SH3KBP1: variants seen among roughly 807,000 people sequenced by gnomAD.
SH3KBP1 encodes SH3 domain containing kinase binding protein 1.
SH3KBP1 carries 8 observed loss-of-function variants against 50.1 expected under a neutral mutation model. The ratio of observed to expected loss-of-function variants is 0.16; its 90% CI spans 0.09 to 0.29. SH3KBP1 has a LOEUF of 0.29. Among genes scored for constraint, SH3KBP1 ranks in the 10% least tolerant of loss-of-function variants. The pLI is 1.00. For missense variants in SH3KBP1, 377 were observed against 535.2 expected (o/e 0.70, Z 2.92); for synonymous variants, 227 against 218.6 (o/e 1.04, Z -0.34).
intron 3 of SH3KBP1, among the ~76,000 whole-genome samples, chrX:19,717,406 C>T (rs753685947): frequency 9.0e-6 from 1 of 111,241 alleles, no homozygotes; most frequent in Admixed American, 9.5e-5. Context: ...AGTCTCTACA[C>T]AAAATTAAAA....
chrX:19,726,452 G>A (rs778676208), intron 3 of SH3KBP1, among the ~76,000 whole-genome samples: 2 of 111,332 alleles, frequency 1.8e-5, no homozygotes, highest in Non-Finnish European at 3.8e-5. Context: ...TAACTAGGGC[G>A]TACTGATTGC....
At chrX:19,788,960 C>G (rs955252174) in intron 2 of SH3KBP1, among the ~76,000 whole-genome samples, 1 of 111,575 alleles carries the variant, frequency 9.0e-6, no homozygotes, top group African/African-American at 3.3e-5. Context: ...CAGGTCTCTA[C>G]TGAAAGTACA....
chrX:19,660,443 A>G (rs1208601092), intron 6 of SH3KBP1, among the ~76,000 whole-genome samples: 2 of 112,106 alleles, frequency 1.8e-5, no homozygotes, highest in Non-Finnish European at 3.8e-5. Flanking sequence ...AGAGAATTAC[A>G]CAGCACAGAC....
intron 1 of SH3KBP1, among the ~76,000 whole-genome samples, chrX:19,842,755 A>G (rs1246095500): frequency 9.1e-6 from 1 of 109,560 alleles, no homozygotes; most frequent in African/African-American, 3.3e-5. Flanking sequence ...ATGACATAGG[A>G]CCCAACTGTG....
At chrX:19,854,893 C>T (rs1022662739) in intron 1 of SH3KBP1, among the ~76,000 whole-genome samples, 17 of 112,023 alleles carry the variant, frequency 1.5e-4, no homozygotes, top group African/African-American at 5.5e-4. Context: ...CTAACTATAG[C>T]GTTCACTAAA....
At chrX:19,787,234 A>G (rs780642561) in intron 2 of SH3KBP1, among the ~76,000 whole-genome samples, 2 of 111,648 alleles carry the variant, frequency 1.8e-5, no homozygotes, top group East Asian at 5.6e-4. Context: ...TGTATTATCT[A>G]TTTTTTGGCT....
chrX:19,729,379 A>G (rs764813174), intron 3 of SH3KBP1, among the ~76,000 whole-genome samples: 1 of 112,616 alleles, frequency 8.9e-6, no homozygotes, highest in Non-Finnish European at 1.9e-5. Context: ...ATTTATGAAC[A>G]TGTGGAAGGA....
intron 8 of SH3KBP1, among the ~76,000 whole-genome samples, chrX:19,616,040 G>A (rs1421951122): frequency 9.1e-6 from 1 of 110,051 alleles, no homozygotes; most frequent in African/African-American, 3.3e-5. Context: ...ATGGCTCACT[G>A]CAGCCTTGAC....
chrX:19,583,831 CTAATA>C (rs2147938268), intron 12 of SH3KBP1, among the ~76,000 whole-genome samples: 1 of 101,014 alleles, frequency 9.9e-6, no homozygotes, highest in East Asian at 3.0e-4. Flanking sequence ...TATTAATATA[CTAATA>C]TATTTATTAA....
At chrX:19,675,641 T>A (rs1032215377) in intron 6 of SH3KBP1, among the ~76,000 whole-genome samples, 48 of 111,421 alleles carry the variant, frequency 4.3e-4, no homozygotes, top group African/African-American at 1.4e-3. Flanking sequence ...CCTGAACTCA[T>A]GATCCACCTG....
At chrX:19,775,802 G>A (rs2065954419) in intron 2 of SH3KBP1, among the ~76,000 whole-genome samples, 1 of 111,660 alleles carries the variant, frequency 9.0e-6, no homozygotes, top group African/African-American at 3.3e-5. Flanking sequence ...GGCCTTTCAG[G>A]AAAATTACCT....
chrX:19,828,013 C>A (rs965578406), intron 2 of SH3KBP1, among the ~76,000 whole-genome samples: 2 of 110,028 alleles, frequency 1.8e-5, no homozygotes, highest in African/African-American at 6.6e-5. Flanking sequence ...CACTCCCCCC[C>A]ATCCCCCGCC....
intron 15 of SH3KBP1, among the ~76,000 whole-genome samples, chrX:19,543,621 G>A (rs772112408): frequency 1.8e-5 from 2 of 111,707 alleles, no homozygotes; most frequent in African/African-American, 6.5e-5. Context: ...ACAGGAGAGA[G>A]GGAGCATGCT....
chrX:19,576,928 C>A (rs2066218067), intron 12 of SH3KBP1, among the ~76,000 whole-genome samples: 1 of 111,671 alleles, frequency 9.0e-6, no homozygotes, highest in African/African-American at 3.3e-5. Flanking sequence ...GCCCACACCC[C>A]ATGGTATCAA....
At chrX:19,736,216 C>A (rs998371625) in intron 3 of SH3KBP1, among the ~76,000 whole-genome samples, 3 of 112,403 alleles carry the variant, frequency 2.7e-5, no homozygotes, top group African/African-American at 6.5e-5. Flanking sequence ...GTGAGTGACA[C>A]CCTACCCCAC....
At chrX:19,662,428 C>T (rs2062484685) in intron 6 of SH3KBP1, among the ~76,000 whole-genome samples, 2 of 112,020 alleles carry the variant, frequency 1.8e-5, no homozygotes, top group African/African-American at 3.2e-5. Flanking sequence ...CATATATGCT[C>T]AAGGATAATG....
At chrX:19,614,007 C>A (rs2067520533) in intron 8 of SH3KBP1, among the ~76,000 whole-genome samples, 1 of 112,986 alleles carries the variant, frequency 8.9e-6, no homozygotes, top group African/African-American at 3.2e-5. Context: ...GACAATGTGA[C>A]CAGGAGAGCT....
chrX:19,760,397 AATACATACATACATACATACATACATAC>A (rs545437176), intron 2 of SH3KBP1, among the ~76,000 whole-genome samples: 95 of 96,638 alleles, frequency 9.8e-4, no homozygotes, highest in Non-Finnish European at 1.7e-3. Flanking sequence ...AAAATAAATA[AATACATACATACATACATACATACATAC>A]ATACATACAT....
At chrX:19,671,104 T>C in intron 6 of SH3KBP1, 1 of 833,066 alleles carries the variant, frequency 1.2e-6, no homozygotes, top group Non-Finnish European at 1.6e-6. Context: ...TCGCCTATGT[T>C]GCTGCTGCAA....
Sources: allele counts gnomAD v4.1 joint callset (sites outside exome capture counted in the v4.1 genomes callset), GRCh38; gene constraint gnomAD v4.1.1; transcripts MANE v1.5; gene names NCBI Gene and HGNC (gene_info 2026-07-23, HGNC 2026-07-21).